Variants in CFAP46 observed in about 807,000 individuals in gnomAD.
CFAP46 encodes cilia- and flagella-associated protein 46.
CFAP46 carries 245 observed loss-of-function variants against 325.7 expected under a neutral mutation model. The observed-to-expected ratio is 0.75, with a 90% confidence interval of 0.68 to 0.84. The LOEUF is 0.84. Among genes scored for constraint, CFAP46 ranks in the 40% least tolerant of loss-of-function variants. The pLI is 0.00. For synonymous variants in CFAP46, 1,523 were observed against 1,495.9 expected (o/e 1.02, Z -0.42); for missense variants, 3,346 against 3,543.0 (o/e 0.94, Z 1.41).
chr10:132,834,864 C>A, intron 47 of CFAP46, 89 bp from the exon 48 acceptor site: 1 of 1,475,556 alleles, frequency 6.8e-7, no homozygotes, highest in Admixed American at 2.4e-5. Context: ...AAAGGCCGAG[C>A]TCCTGCCCCT....
chr10:132,839,147 T>G (rs977921506), intron 44 of CFAP46, among the ~76,000 whole-genome samples: 1 of 152,226 alleles, frequency 6.6e-6, no homozygotes, highest in Admixed American at 6.5e-5. Context: ...TCATTCTCTG[T>G]GGCTGCCCCT....
intron 39 of CFAP46, among the ~76,000 whole-genome samples, chr10:132,852,311 G>C (rs1264587880): frequency 2.6e-4 from 29 of 110,106 alleles, no homozygotes; most frequent in Admixed American, 5.7e-4. Flanking sequence ...GACGTGGTAT[G>C]TTCCTCCATT....
At position 132,834,869 on chromosome 10, in the gene CFAP46, G is replaced by GC. The variant is rs1301942052; in HGVS notation, c.6745-95dup. The GC allele has an allele frequency of 3.6e-5, 52 of 1,460,072 alleles. No individual in the cohort carries two copies. In the East Asian group the frequency reaches 7.1e-4, roughly 20 times the overall value. 90.4% of individuals were successfully genotyped at this position (1,460,072 alleles called of 1,614,324 possible). On this transcript the variant is annotated intron_variant, in intron 47 of 57. Coordinates refer to ENST00000368586, the MANE Select transcript of CFAP46 (RefSeq NM_001200049.3). ...GCCCCTGCAGAAAGGCCGAGCTCCT[G>GC]CCCCTTCTGCAAACAGCATGGTGGA...
At chr10:132,917,079 T>G (rs964822897) in intron 16 of CFAP46, among the ~76,000 whole-genome samples, 5 of 152,250 alleles carry the variant, frequency 3.3e-5, no homozygotes, top group African/African-American at 1.2e-4. Flanking sequence ...TGGATGACCA[T>G]GTGGCACAGC....
intron 44 of CFAP46, among the ~76,000 whole-genome samples, chr10:132,845,049 C>T (rs1382394205): frequency 1.3e-5 from 2 of 152,194 alleles, no homozygotes; most frequent in Non-Finnish European, 2.9e-5. Context: ...GCATGCCCAG[C>T]TTAGACCACA....
intron 13 of CFAP46, 42 bp from the exon 14 acceptor site, chr10:132,920,224 C>G: frequency 6.7e-7 from 1 of 1,500,720 alleles, no homozygotes; most frequent in South Asian, 1.3e-5. Flanking sequence ...AGCTGCTGGC[C>G]AAGGGCCGGG....
At chr10:132,890,446 A>G (rs1849238762) in intron 25 of CFAP46, among the ~76,000 whole-genome samples, 1 of 152,160 alleles carries the variant, frequency 6.6e-6, no homozygotes, top group Admixed American at 6.5e-5. Context: ...CGTCACTCCT[A>G]TGATGGGCCT....
At chr10:132,912,515 C>T (rs1423704518) in intron 19 of CFAP46, 140 bp downstream of exon 19, 6 of 829,092 alleles carry the variant, frequency 7.2e-6, no homozygotes, top group African/African-American at 1.8e-5. Flanking sequence ...CTCCTCTCCT[C>T]TCTCTCTCTT....
intron 25 of CFAP46, among the ~76,000 whole-genome samples, chr10:132,887,087 CTCTCT>C: frequency 8.1e-6 from 1 of 123,802 alleles, no homozygotes; most frequent in East Asian, 2.1e-4. Flanking sequence ...TCTCACTTCT[CTCTCT>C]CCTCTCCTCT....
chr10:132,898,880 G>A, intron 24 of CFAP46, 79 bp downstream of exon 24: 3 of 1,504,268 alleles, frequency 2.0e-6, no homozygotes, highest in East Asian at 2.5e-5. Flanking sequence ...GTCTTTCTTT[G>A]GGAGTCTCTC....
chr10:132,860,457 A>G lies in CFAP46; in HGVS notation c.5158T>C (p.Leu1720=), dbSNP rs954051043. Residue 1720 remains leucine (L), a synonymous_variant, in exon 37 of 58, where the codon TTG becomes CTG. Transcript: ENST00000368586. ...KILKKERPNR[L]PLLEFMITDL... Reference sequence around the variant, plus strand: ...GTGATCATGAATTCCAGTAAAGGCAATCGGTTTGGTCTTTCTTTCTTGAGG... The same window carrying G: ...GTGATCATGAATTCCAGTAAAGGCAGTCGGTTTGGTCTTTCTTTCTTGAGG... 5.8e-6 allele frequency: 9 copies of G among 1,551,248 alleles called. No individual in the cohort carries two copies. Among genetic ancestry groups the G allele is most frequent in the Middle Eastern group, 1.7e-4 (1 of 5,998 alleles).
In CFAP46 at chr10:132,827,162, C is replaced by T. The variant is rs150103798; in HGVS notation, c.7117+6196G>A. 0.014 allele frequency among the ~76,000 whole-genome samples: 2,114 copies of T among 152,260 alleles called. 19 individuals are homozygous for T. The highest frequency in any genetic ancestry group is 0.046 in the South Asian group (220 of 4,822). On this transcript the variant is annotated intron_variant, in intron 50 of 57. Coordinates refer to ENST00000368586, the MANE Select transcript of CFAP46 (RefSeq NM_001200049.3). The surrounding 1 kb of genome is among the most constrained non-coding windows in gnomAD (Gnocchi z 5.7). ...CCCACCCAGTCCTGGGCCACTGAGC[C>T]ACCCTCCTGCCATGCAGGGCAGACA...
chr10:132,837,952 C>CGTGTGCACGGACACAGACACGCAA (rs1429102826), intron 44 of CFAP46, among the ~76,000 whole-genome samples: 2 of 152,162 alleles, frequency 1.3e-5, no homozygotes, highest in African/African-American at 4.8e-5. Flanking sequence ...CAGACACGCA[C>CGTGTGCACGGACACAGACACGCAA]GTGTACACAG....
rs1847712542 is a variant in CFAP46 at position 132,817,254 on chromosome 10, G to A, written c.7118-2340C>T. ...CTAATAATGCCTGGCTCTAAAGTCT[G>A]TTTCCTCTGAGAGTCAGACACCGGC... On this transcript the variant is annotated intron_variant, in intron 50 of 57. Transcript: ENST00000368586. The surrounding 1 kb of genome is among the most constrained non-coding windows in gnomAD (Gnocchi z 4.4). Among the ~76,000 whole-genome samples the A allele has an allele frequency of 6.6e-6, 1 of 152,156 alleles. No individual in the cohort carries two copies. Among genetic ancestry groups the A allele is most frequent in the African/African-American group, 2.4e-5 (1 of 41,420 alleles).
rs550744240 is a variant in CFAP46, at chr10:132,876,628, A to C, written c.4362+184T>G. Among the ~76,000 whole-genome samples the C allele has an allele frequency of 9.9e-5, 15 of 152,254 alleles. No homozygotes were observed. The highest frequency in any genetic ancestry group is 3.1e-4 in the African/African-American group (13 of 41,542). ...TGGGGAAAGAAGGAAGGCTTTCCTA[A>C]GTGTCGGCAGTTGAGGGCAGACAGT... On this transcript the variant is annotated intron_variant, in intron 31 of 57. Coordinates refer to ENST00000368586, the MANE Select transcript of CFAP46 (RefSeq NM_001200049.3). This position sits in a 1 kb window ranked among gnomAD's most constrained non-coding sequence, Gnocchi z 4.1.
At chr10:132,859,402 C>T (rs1338687238) in intron 37 of CFAP46, among the ~76,000 whole-genome samples, 155 bp from the exon 38 acceptor site, 1 of 152,150 alleles carries the variant, frequency 6.6e-6, no homozygotes, top group East Asian at 1.9e-4. Flanking sequence ...ATATGGGCCT[C>T]ATTCTGTGAT....
At chr10:132,920,838 GGCCCCACA>G (rs1243283849) in intron 13 of CFAP46, among the ~76,000 whole-genome samples, 1 of 152,192 alleles carries the variant, frequency 6.6e-6, no homozygotes, top group East Asian at 1.9e-4. Flanking sequence ...GTGCTGTCTC[GGCCCCACA>G]GCCAGCAGTG....
intron 2 of CFAP46, 73 bp from the exon 3 acceptor site, chr10:132,941,795 C>T: frequency 6.3e-7 from 1 of 1,592,098 alleles, no homozygotes; most frequent in Non-Finnish European, 8.6e-7. Context: ...CACCACGGGC[C>T]CGCTTTCAGA....
rs536114641 is a variant in CFAP46 at position 132,935,829 on chromosome 10, C to G, written c.756-967G>C. 3.2e-3 allele frequency among the ~76,000 whole-genome samples: 363 copies of G among 112,016 alleles called. 9 individuals carry two copies. The highest frequency in any genetic ancestry group is 0.012 in the African/African-American group (347 of 27,812). 73.5% of individuals were successfully genotyped at this position (112,016 alleles called of 152,430 possible). ...CACACTGTGATCTCCTCACTCCCCT[C>G]GGCACCCAAACACACTGTGATCTCC... On this transcript the variant is annotated intron_variant, in intron 7 of 57. Coordinates refer to ENST00000368586, the MANE Select transcript of CFAP46 (RefSeq NM_001200049.3).
Sources: allele counts gnomAD v4.1 joint callset (sites outside exome capture counted in the v4.1 genomes callset), GRCh38; gene constraint gnomAD v4.1.1; non-coding constraint Gnocchi (gnomAD v3.1); transcripts MANE v1.5; gene names NCBI Gene and HGNC (gene_info 2026-07-23, HGNC 2026-07-21).